The following TNRC6A variants were observed in gnomAD, a reference collection of about 807,000 sequenced individuals.
TNRC6A encodes trinucleotide repeat containing adaptor 6A.
Under a neutral mutation model 221.2 loss-of-function variants are expected in TNRC6A, and 44 were observed. That is an observed-to-expected ratio of 0.20 (90% CI 0.16 to 0.26). The LOEUF (loss-of-function observed/expected upper bound fraction) is 0.26, where lower values mean the gene tolerates loss of function less well. Ranked by LOEUF, TNRC6A falls within the 10% of genes least tolerant of loss-of-function variation. The probability of loss-of-function intolerance (pLI) is 1.00; values close to 1 mark genes in which losing one functional copy is unlikely to be tolerated. For synonymous variants in TNRC6A, 847 were observed against 838.5 expected (o/e 1.01, Z -0.18); for missense variants, 2,199 against 2,404.4 (o/e 0.91, Z 1.79).
At chr16:24,664,947 C>G (rs1335157673) in intron 2 of TNRC6A, 2 of 455,968 alleles carry the variant, frequency 4.4e-6, no homozygotes, top group Admixed American at 4.7e-5. Context: ...AAGTAAGGCA[C>G]GAGGCTCCAC....
At chr16:24,741,937 G>T (rs547897466) in intron 2 of TNRC6A, among the ~76,000 whole-genome samples, 1 of 152,260 alleles carries the variant, frequency 6.6e-6, no homozygotes, top group East Asian at 1.9e-4. Flanking sequence ...CTTGGGCTCA[G>T]GTGATCCTCG....
chr16:24,663,376 GC>G (rs944614098), intron 2 of TNRC6A: 17 of 153,706 alleles, frequency 1.1e-4, no homozygotes, highest in Admixed American at 1.0e-3. Flanking sequence ...GGCCAACATG[GC>G]AAAACCCCGT....
At chr16:24,711,972 A>G (rs1409006987) in intron 2 of TNRC6A, among the ~76,000 whole-genome samples, 1 of 151,486 alleles carries the variant, frequency 6.6e-6, no homozygotes, top group Non-Finnish European at 1.5e-5. Flanking sequence ...CTTTCTTAAT[A>G]TTTTTAGTTC....
chr16:24,798,022 A>T, intron 11 of TNRC6A, 56 bp downstream of exon 11: 5 of 1,483,070 alleles, frequency 3.4e-6, no homozygotes, highest in Non-Finnish European at 1.9e-6. Flanking sequence ...CACATCCATG[A>T]CATGATTCTA....
intron 2 of TNRC6A, among the ~76,000 whole-genome samples, chr16:24,701,021 C>A (rs1045349168): frequency 1.3e-5 from 2 of 152,218 alleles, no homozygotes; most frequent in Non-Finnish European, 2.9e-5. Flanking sequence ...GGCCCAGAAC[C>A]AGGGAGGTGG....
At chr16:24,792,456 G>A (rs2058123574) in intron 6 of TNRC6A, among the ~76,000 whole-genome samples, 1 of 151,806 alleles carries the variant, frequency 6.6e-6, no homozygotes, top group East Asian at 1.9e-4. Context: ...AGTGGATATG[G>A]GAGTGCTTTC....
At position 24,777,123 on chromosome 16, in the gene TNRC6A, G is replaced by GCAGCCA; in HGVS notation, c.358_359insCACAGC (p.Gln119_Gln120insProGln). ...AGCAGCAGCCACAGCCGCAGCCGCA[G>GCAGCCA]CAGCAGCAGCCACAGCAGCAGCCAC... On this transcript the variant is annotated inframe_insertion, in exon 5 of 25. Transcript: ENST00000395799. The GCAGCCA allele has an allele frequency of 6.2e-7, 1 of 1,611,664 alleles. No homozygotes were observed. Among genetic ancestry groups the GCAGCCA allele is most frequent in the Non-Finnish European group, 8.5e-7 (1 of 1,178,738 alleles).
At chr16:24,687,312 T>C (rs2055646841) in intron 2 of TNRC6A, among the ~76,000 whole-genome samples, 1 of 152,196 alleles carries the variant, frequency 6.6e-6, no homozygotes, top group Non-Finnish European at 1.5e-5. Context: ...CTCCACCTCC[T>C]ACTAAAGCCC....
At chr16:24,643,067 AT>A (rs1199345567) in intron 2 of TNRC6A, among the ~76,000 whole-genome samples, 3 of 136,616 alleles carry the variant, frequency 2.2e-5, no homozygotes, top group South Asian at 2.2e-4. Flanking sequence ...TAACATATAT[AT>A]TATATATATA....
intron 5 of TNRC6A, chr16:24,778,483 A>G: frequency 3.0e-6 from 3 of 985,444 alleles, no homozygotes; most frequent in Non-Finnish European, 3.6e-6. Context: ...GTTTTCTAGC[A>G]TAGGCACATT....
chr16:24,730,129 C>CCG, intron 1 of TNRC6A, 124 bp from the exon 2 acceptor site: 5 of 824,530 alleles, frequency 6.1e-6, no homozygotes, highest in East Asian at 3.6e-5. Context: ...CCCCTCCCCC[C>CCG]GTCCTCTCCC....
chr16:24,650,709 G>A (rs1304539754), intron 2 of TNRC6A, among the ~76,000 whole-genome samples: 10 of 151,648 alleles, frequency 6.6e-5, no homozygotes, highest in African/African-American at 2.4e-4. Context: ...CAAACCAAAC[G>A]AATTGACACC....
At chr16:24,822,659 G>C (rs1172971250) in intron 23 of TNRC6A, among the ~76,000 whole-genome samples, 1 of 152,156 alleles carries the variant, frequency 6.6e-6, no homozygotes, top group Non-Finnish European at 1.5e-5. Context: ...GAGTGTCCAG[G>C]AGTCTAGAGG....
Position 24,782,985 on chromosome 16 carries a change from C to T in TNRC6A, c.589+5627C>T, listed in dbSNP as rs373024165. On this transcript the variant is annotated intron_variant, in intron 5 of 24. Coordinates refer to ENST00000395799, the MANE Select transcript of TNRC6A (RefSeq NM_014494.4). Reference sequence around the variant, plus strand: ...GTAAAACATAAATATTATTTACTTTCGAAGCTCTTCCCTTTCTGGCAAAAT... The same window carrying T: ...GTAAAACATAAATATTATTTACTTTTGAAGCTCTTCCCTTTCTGGCAAAAT... Among the ~76,000 whole-genome samples, 26 of 152,250 alleles carry T rather than the reference C, an allele frequency of 1.7e-4. No individual in the cohort carries two copies. In the East Asian group the frequency reaches 2.1e-3, roughly 12 times the overall value.
chr16:24,625,737 CAAAAA>C (rs749882396), intron 1 of TNRC6A, among the ~76,000 whole-genome samples: 3 of 24,050 alleles, frequency 1.2e-4, no homozygotes, highest in Non-Finnish European at 2.5e-4. Context: ...CGTCTCAAAA[CAAAAA>C]AAAAAAAAAA....
In TNRC6A at chr16:24,791,814, T is replaced by C; in HGVS notation, c.3172T>C (p.Ser1058Pro). 1.3e-6 allele frequency: 2 copies of C among 1,527,856 alleles called. No individual in the cohort carries two copies. The highest frequency in any genetic ancestry group is 1.4e-5 in the African/African-American group (1 of 71,142). 94.6% of individuals were successfully genotyped at this position (1,527,856 alleles called of 1,614,324 possible). Residue 1058 changes from serine (S) to proline (P), a missense_variant, in exon 6 of 25, where the codon TCT becomes CCT. Transcript: ENST00000395799. ...AISNKEASSG[S>P]GWGEPWGEPS... is the part of the protein sequence containing the mutation. ...CTCAAACAAAGAGGCAAGCAGTGGC[T>C]CTGGTAAGTTTCTATTTTATGAAAT...
chr16:24,626,953 GTTTT>G (rs374063274), intron 1 of TNRC6A, among the ~76,000 whole-genome samples: 13 of 138,972 alleles, frequency 9.4e-5, no homozygotes, highest in African/African-American at 1.8e-4. Flanking sequence ...CGCCCAGCCT[GTTTT>G]TTTTTTTTTT....
chr16:24,714,201 T>C (rs931252430), intron 2 of TNRC6A, among the ~76,000 whole-genome samples: 1 of 152,010 alleles, frequency 6.6e-6, no homozygotes, highest in Non-Finnish European at 1.5e-5. Flanking sequence ...TCATTTCACA[T>C]TGGGGCTTTT....
chr16:24,629,337 G>C (rs909489639), intron 1 of TNRC6A, among the ~76,000 whole-genome samples: 1 of 152,024 alleles, frequency 6.6e-6, no homozygotes, highest in East Asian at 1.9e-4. Flanking sequence ...AAACAGAATC[G>C]CTAAGTGCTT....
Sources: allele counts gnomAD v4.1 joint callset (sites outside exome capture counted in the v4.1 genomes callset), GRCh38; gene constraint gnomAD v4.1.1; transcripts MANE v1.5; gene names NCBI Gene and HGNC (gene_info 2026-07-23, HGNC 2026-07-21).